MAPK8: variants seen among roughly 807,000 people sequenced by gnomAD.
MAPK8 encodes JUN N-terminal kinase.
A neutral mutation model predicts 52.9 loss-of-function variants in MAPK8; 13 were observed. The observed-to-expected ratio is 0.25, with a 90% CI of 0.16 to 0.39. The LOEUF (loss-of-function observed/expected upper bound fraction) is 0.39, where lower values mean the gene tolerates loss of function less well. MAPK8 is among the 10% of genes least tolerant of loss of function. MAPK8 has a pLI of 1.00. For synonymous variants in MAPK8, 191 were observed against 169.8 expected (o/e 1.12, Z -0.97); for missense variants, 300 against 519.2 (o/e 0.58, Z 4.10).
chr10:48,348,231 A>G (rs534669484), intron 1 of MAPK8, among the ~76,000 whole-genome samples: 1 of 152,126 alleles, frequency 6.6e-6, no homozygotes, highest in African/African-American at 2.4e-5. Context: ...CCACTTTTTG[A>G]TGGGGTTGTT....
chr10:48,364,356 T>C (rs1847839151), intron 1 of MAPK8, among the ~76,000 whole-genome samples: 1 of 152,086 alleles, frequency 6.6e-6, no homozygotes, highest in Non-Finnish European at 1.5e-5. Flanking sequence ...ATGAAATGGC[T>C]CATTAGAGCT....
At chr10:48,348,114 G>A (rs1249965864) in intron 1 of MAPK8, among the ~76,000 whole-genome samples, 1 of 152,284 alleles carries the variant, frequency 6.6e-6, no homozygotes, top group African/African-American at 2.4e-5. Flanking sequence ...GTATCTTGTG[G>A]TTTTGATTTG....
intron 1 of MAPK8, among the ~76,000 whole-genome samples, chr10:48,328,903 C>T (rs765195475): frequency 4.6e-5 from 7 of 152,114 alleles, no homozygotes; most frequent in African/African-American, 4.8e-5. Context: ...ATTGAGGATG[C>T]GGTATTCTGA....
At chr10:48,348,300 T>G (rs1424585343) in intron 1 of MAPK8, among the ~76,000 whole-genome samples, 1 of 152,232 alleles carries the variant, frequency 6.6e-6, no homozygotes, top group African/African-American at 2.4e-5. Flanking sequence ...CTTTGTCAGA[T>G]GGATAGATTG....
At chr10:48,387,203 G>A (rs2132806234) in intron 1 of MAPK8, among the ~76,000 whole-genome samples, 1 of 152,284 alleles carries the variant, frequency 6.6e-6, no homozygotes, top group South Asian at 2.1e-4. Flanking sequence ...GGCAAACTAG[G>A]TATGATTAGT....
rs1482338026 is a variant in MAPK8 at position 48,404,301 on chromosome 10, TG to T, written c.123-550del. 4.0e-5 allele frequency among the ~76,000 whole-genome samples: 6 copies of T among 151,762 alleles called. No homozygotes were observed. In the South Asian group the frequency reaches 1.0e-3, roughly 26 times the overall value. On this transcript the variant is annotated intron_variant, in intron 2 of 11. Coordinates refer to ENST00000374189, the MANE Select transcript of MAPK8 (RefSeq NM_001323329.2). The stretch of plus-strand genomic sequence containing the variant: ...CCTCTCAAGTAGCTGGGACTACAGG[TG>T]TGCACCATCACACCCAGCTAATTTT...
chr10:48,361,155 C>T (rs1363184775), intron 1 of MAPK8, among the ~76,000 whole-genome samples: 1 of 152,112 alleles, frequency 6.6e-6, no homozygotes, highest in African/African-American at 2.4e-5. Flanking sequence ...TGAATTCTAT[C>T]GAGGAACGTG....
chr10:48,347,436 T>C (rs1373674665), intron 1 of MAPK8, among the ~76,000 whole-genome samples: 2 of 152,228 alleles, frequency 1.3e-5, no homozygotes, highest in Non-Finnish European at 1.5e-5. Flanking sequence ...TTGGGATACA[T>C]GTGCAGAATG....
Position 48,330,751 on chromosome 10 carries a change from G to A in MAPK8, c.-50+23930G>A, listed in dbSNP as rs114937517. On this transcript the variant is annotated intron_variant, in intron 1 of 11. Coordinates refer to ENST00000374189, the MANE Select transcript of MAPK8 (RefSeq NM_001323329.2). ...CTATGGGGTTACAGTCTTCCCGGACGTTGCCTAAGTTTCATTATCCCCCTT... is the reference window on the plus strand; with the variant it reads ...CTATGGGGTTACAGTCTTCCCGGACATTGCCTAAGTTTCATTATCCCCCTT... 6.2e-3 allele frequency among the ~76,000 whole-genome samples: 946 copies of A among 152,210 alleles called. 5 individuals carry two copies. The highest frequency in any genetic ancestry group is 0.02 in the Middle Eastern group (6 of 294).
Position 48,438,399 on chromosome 10 carries a change from T to A in MAPK8, c.*3370T>A, listed in dbSNP as rs1202470983. 1 of 152,194 alleles carries A rather than the reference T, an allele frequency of 6.6e-6. No individual in the cohort carries two copies. Among genetic ancestry groups the A allele is most frequent in the African/African-American group, 2.4e-5 (1 of 41,446 alleles). 9.4% of individuals were successfully genotyped at this position (152,194 alleles called of 1,614,324 possible). A position where few individuals can be genotyped will look rare whatever the true frequency, so the allele number is the denominator to read the frequency against. ...GGGCATTGAAGCAGAAATGTATAGT[T>A]TGGGGTACGATTAGAAAACTCGTAA... On this transcript the variant is annotated 3_prime_UTR_variant, in exon 12 of 12. Transcript: ENST00000374189.
At position 48,437,019 on chromosome 10, in the gene MAPK8, C is replaced by T. The variant is rs1462682935; in HGVS notation, c.*1990C>T. 1 of 152,168 alleles carries T rather than the reference C, an allele frequency of 6.6e-6. No homozygotes were observed. The highest frequency in any genetic ancestry group is 1.5e-5 in the Non-Finnish European group (1 of 68,028). The allele number at this position is 152,168 out of a possible 1,614,324, so 9.4% of individuals were successfully genotyped here. On this transcript the variant is annotated 3_prime_UTR_variant, in exon 12 of 12. Coordinates refer to ENST00000374189, the MANE Select transcript of MAPK8 (RefSeq NM_001323329.2). ...AGCAGACATGCTTTCAGAAGGTTCT[C>T]ATATTTTATGTTTGATTGCTGATAA...
intron 1 of MAPK8, among the ~76,000 whole-genome samples, chr10:48,379,142 C>T (rs1009131385): frequency 2.0e-5 from 3 of 152,202 alleles, no homozygotes; most frequent in African/African-American, 7.2e-5. Context: ...AGGGATTAAC[C>T]ATCAGCCTGT....
chr10:48,419,383 G>A (rs1339880803), intron 5 of MAPK8, among the ~76,000 whole-genome samples: 1 of 152,162 alleles, frequency 6.6e-6, no homozygotes, highest in Non-Finnish European at 1.5e-5. Flanking sequence ...ATTCATCAAA[G>A]CTAACAGGCA....
intron 1 of MAPK8, among the ~76,000 whole-genome samples, chr10:48,319,952 T>C (rs1304912868): frequency 1.3e-5 from 2 of 152,082 alleles, no homozygotes; most frequent in African/African-American, 4.8e-5. Context: ...GTTTCACCCT[T>C]GTTGCCCAGG....
At chr10:48,426,967 T>C in intron 9 of MAPK8, 113 bp from the exon 10 acceptor site, 1 of 731,808 alleles carries the variant, frequency 1.4e-6, no homozygotes, top group Non-Finnish European at 2.4e-6. Flanking sequence ...TGATCAGTCT[T>C]GATCTAATGA....
At chr10:48,417,509 C>T (rs562506723) in intron 5 of MAPK8, among the ~76,000 whole-genome samples, 11 of 152,320 alleles carry the variant, frequency 7.2e-5, no homozygotes, top group African/African-American at 2.6e-4. Flanking sequence ...CTTGGGTCTG[C>T]AGGGTTGGCT....
At chr10:48,361,275 CT>C (rs1355104858) in intron 1 of MAPK8, among the ~76,000 whole-genome samples, 2 of 152,082 alleles carry the variant, frequency 1.3e-5, no homozygotes, top group Non-Finnish European at 2.9e-5. Flanking sequence ...GTGTTTTTAT[CT>C]TTTTGCTTTT....
At chr10:48,314,683 C>T (rs1842330830) in intron 1 of MAPK8, among the ~76,000 whole-genome samples, 1 of 152,148 alleles carries the variant, frequency 6.6e-6, no homozygotes, top group Non-Finnish European at 1.5e-5. Context: ...TCTTATTACC[C>T]TTAGACGTCT....
chr10:48,420,214 C>T lies in MAPK8; in HGVS notation c.510C>T (p.Phe170=), dbSNP rs199940599. 563 of 1,613,610 alleles carry T rather than the reference C, an allele frequency of 3.5e-4. 1 individual carries two copies. The highest frequency in any genetic ancestry group is 5.7e-4 in the South Asian group (52 of 91,058). Residue 170 remains phenylalanine (F), a synonymous_variant, in exon 6 of 12, where the codon TTC becomes TTT. Transcript: ENST00000374189. The part of the protein sequence containing the change: ...KSDCTLKILD[F]GLARTAGTSF... Reference sequence around the variant, plus strand: ...ATTGCACTTTGAAGATTCTTGACTTCGGTCTGGCCAGGACTGCAGGAACGA... The same window carrying T: ...ATTGCACTTTGAAGATTCTTGACTTTGGTCTGGCCAGGACTGCAGGAACGA...
Sources: allele counts gnomAD v4.1 joint callset (sites outside exome capture counted in the v4.1 genomes callset), GRCh38; gene constraint gnomAD v4.1.1; transcripts MANE v1.5; gene names NCBI Gene and HGNC (gene_info 2026-07-23, HGNC 2026-07-21).